CYGB: variants seen among roughly 807,000 people sequenced by gnomAD.
The protein encoded by CYGB is histoglobin.
In CYGB, 13 loss-of-function variants were observed where a neutral mutation model predicts 20.7. The ratio of observed to expected loss-of-function variants is 0.63; its 90% confidence interval spans 0.41 to 1.00. CYGB has a LOEUF of 1.00. Among genes scored for constraint, CYGB ranks in the 50% least tolerant of loss-of-function variants. The pLI is 0.00. For missense variants in CYGB, 218 were observed against 257.2 expected (o/e 0.85, Z 1.04); for synonymous variants, 93 against 107.4 (o/e 0.87, Z 0.83).
chr17:76,542,506 G>T (rs2075003462), upstream of CYGB: 1 of 1,612,732 alleles, frequency 6.2e-7, no homozygotes. Context: ...AGAAACATGG[G>T]AAGGTCGTGC....
chr17:76,543,007 C>A lies in CYGB; in HGVS notation c.-53+7855G>T, dbSNP rs189989055. On this transcript the variant is annotated intron_variant, in intron 1 of 3. Coordinates refer to the CYGB transcript ENST00000589145. ...CCCCAGGTGTGGGAGAAGTGCTGAT[C>A]TGCTCTGGTTTTCTGTTTCAGCTCA... is the stretch of plus-strand genomic sequence containing the variant. 6.2e-6 allele frequency: 3 copies of A among 484,004 alleles called. No homozygotes were observed. In the Admixed American group the frequency reaches 7.0e-5, roughly 11 times the overall value. The allele number at this position is 484,004 out of a possible 1,614,324, so 30.0% of individuals were successfully genotyped here. A position where few individuals can be genotyped will look rare whatever the true frequency, so the allele number is the denominator to read the frequency against.
chr17:76,545,449 C>T (rs2075045309), intron 1 of CYGB: 1 of 447,412 alleles, frequency 2.2e-6, no homozygotes, highest in South Asian at 1.6e-5. Context: ...AGCAGGAGTG[C>T]TCAGGGGCTT....
chr17:76,531,410 G>T lies in CYGB; in HGVS notation c.375+50C>A, dbSNP rs748816119. ...GTCGCAGAGCCTGCGAGCTGCAGAT[G>T]GCCATGACGCGTGGGCGGTGGGGGC... On this transcript the variant is annotated intron_variant, in intron 2 of 3. Coordinates refer to ENST00000293230, the MANE Select transcript of CYGB (RefSeq NM_134268.5). This position sits in a 1 kb window ranked among gnomAD's most constrained non-coding sequence, Gnocchi z 7.4. 7 of 1,570,786 alleles carry T rather than the reference G, an allele frequency of 4.5e-6. No individual in the cohort carries two copies. The South Asian group carries it at 7.9e-5, about 18-fold the overall frequency.
At chr17:76,538,459 C>A (rs1186024219), upstream of CYGB, 3 of 460,708 alleles carry the variant, frequency 6.5e-6, no homozygotes, top group East Asian at 2.3e-4. Flanking sequence ...TGCACGAACG[C>A]GGCGGCGGCG....
At chr17:76,535,180 A>T (rs780771784) in intron 1 of CYGB, among the ~76,000 whole-genome samples, 1 of 152,154 alleles carries the variant, frequency 6.6e-6, no homozygotes, top group Non-Finnish European at 1.5e-5. Flanking sequence ...CAATGTGGCA[A>T]CTTCTCCAGG....
upstream of CYGB, chr17:76,538,439 A>G: frequency 2.2e-6 from 1 of 463,942 alleles, no homozygotes. Flanking sequence ...CAGCACCTCC[A>G]TGCCCTCGGT....
At chr17:76,529,183 TC>T in intron 3 of CYGB, 1 of 984,692 alleles carries the variant, frequency 1.0e-6, no homozygotes, top group Non-Finnish European at 1.2e-6. Flanking sequence ...ACTCTGTAAC[TC>T]CATCCTACCC....
intron 1 of CYGB, chr17:76,545,133 C>T (rs1198892497): frequency 3.5e-5 from 16 of 456,486 alleles, no homozygotes; most frequent in African/African-American, 3.2e-4. Context: ...CCCCGCACAC[C>T]CAGCCCACGC....
intron 1 of CYGB, among the ~76,000 whole-genome samples, chr17:76,548,222 GAC>G (rs776532313): frequency 1.3e-5 from 2 of 151,362 alleles, no homozygotes; most frequent in Non-Finnish European, 2.9e-5. Flanking sequence ...TACACTTATA[GAC>G]ACACATAGCA....
At chr17:76,540,172 C>T, upstream of CYGB, 1 of 1,601,838 alleles carries the variant, frequency 6.2e-7, no homozygotes, top group Non-Finnish European at 8.5e-7. The surrounding 1 kb of genome is among the most constrained non-coding windows in gnomAD (Gnocchi z 5.0). Flanking sequence ...GCTCAGCACC[C>T]TGGCCATGCT....
In CYGB at chr17:76,533,046, A is replaced by C. The variant is rs1471455163; in HGVS notation, c.144-1355T>G. On this transcript the variant is annotated intron_variant, in intron 1 of 3. Transcript: ENST00000293230. The surrounding 1 kb of genome is among the most constrained non-coding windows in gnomAD (Gnocchi z 4.5). ...AATTTGCGGAAGTAGCCCTTTGGCC[A>C]GGAGTCGAGTCTCAGATGTGAGGGC... Among the ~76,000 whole-genome samples, 5 of 152,240 alleles carry C rather than the reference A, an allele frequency of 3.3e-5. No homozygotes were observed. The highest frequency in any genetic ancestry group is 1.2e-4 in the African/African-American group (5 of 41,468).
At chr17:76,549,244 G>A (rs141986678) in intron 1 of CYGB, among the ~76,000 whole-genome samples, 11 of 152,300 alleles carry the variant, frequency 7.2e-5, no homozygotes, top group South Asian at 2.1e-4. Context: ...TTTACAATTC[G>A]ATAATAAGAT....
At chr17:76,540,828 C>A (rs1342965294), upstream of CYGB, among the ~76,000 whole-genome samples, 1 of 152,200 alleles carries the variant, frequency 6.6e-6, no homozygotes, top group East Asian at 1.9e-4. This position sits in a 1 kb window ranked among gnomAD's most constrained non-coding sequence, Gnocchi z 5.0. Context: ...CGGGGCGGTC[C>A]CCCGGGGCAC....
At chr17:76,529,352 T>A (rs960495752) in intron 3 of CYGB, 1 of 985,272 alleles carries the variant, frequency 1.0e-6, no homozygotes, top group Non-Finnish European at 1.2e-6. Context: ...GTAGCCCATC[T>A]CCATTCAGTC....
intron 1 of CYGB, chr17:76,544,047 C>T: frequency 2.2e-6 from 1 of 454,824 alleles, no homozygotes; most frequent in Non-Finnish European, 4.4e-6. Flanking sequence ...CCTCCTTTGC[C>T]CCCAGCTGCT....
At chr17:76,534,906 G>C (rs1481312150) in intron 1 of CYGB, among the ~76,000 whole-genome samples, 1 of 152,200 alleles carries the variant, frequency 6.6e-6, no homozygotes, top group African/African-American at 2.4e-5. Flanking sequence ...CTGGCTCTGC[G>C]GTGTTTCCAC....
intron 1 of CYGB, among the ~76,000 whole-genome samples, chr17:76,535,857 C>G (rs2074908222): frequency 6.6e-6 from 1 of 152,208 alleles, no homozygotes; most frequent in Admixed American, 6.5e-5. Context: ...CGCACAGGTA[C>G]CTGGCAGGGG....
At chr17:76,543,359 G>C (rs1437056727) in intron 1 of CYGB, 1 of 341,602 alleles carries the variant, frequency 2.9e-6, no homozygotes, top group Non-Finnish European at 5.8e-6. Context: ...GCAGCCAGCA[G>C]CCCAGGCAAG....
Position 76,531,903 on chromosome 17 carries a change from G to A in CYGB, c.144-212C>T. ...CTACCAAGTCTGGCCATGTCTATCT[G>A]CCAGGCTTGCTCAGGCTGGCGGCTT... On this transcript the variant is annotated intron_variant, in intron 1 of 3. Coordinates refer to ENST00000293230, the MANE Select transcript of CYGB (RefSeq NM_134268.5). This position sits in a 1 kb window ranked among gnomAD's most constrained non-coding sequence, Gnocchi z 7.4. 1 of 507,328 alleles carries A rather than the reference G, an allele frequency of 2.0e-6. No homozygotes were observed. The highest frequency in any genetic ancestry group is 3.5e-6 in the Non-Finnish European group (1 of 282,946). 31.4% of individuals were successfully genotyped at this position (507,328 alleles called of 1,614,324 possible). A position where few individuals can be genotyped will look rare whatever the true frequency, so the allele number is the denominator to read the frequency against.
Sources: allele counts gnomAD v4.1 joint callset (sites outside exome capture counted in the v4.1 genomes callset), GRCh38; gene constraint gnomAD v4.1.1; non-coding constraint Gnocchi (gnomAD v3.1); transcripts MANE v1.5; gene names NCBI Gene and HGNC (gene_info 2026-07-23, HGNC 2026-07-21).